Variants in IZUMO2 observed in about 807,000 individuals in gnomAD.
IZUMO2 encodes the protein izumo sperm-egg fusion protein 2.
In IZUMO2, 24 loss-of-function variants were observed where a neutral mutation model predicts 31.2. That is an observed-to-expected ratio of 0.77 (90% confidence interval 0.56 to 1.08). IZUMO2 has a LOEUF of 1.08. Among genes scored for constraint, IZUMO2 ranks in the 50% least tolerant of loss-of-function variants. The pLI is 0.00. For synonymous variants in IZUMO2, 144 were observed against 117.3 expected, an observed-to-expected ratio of 1.23 and a Z score of -1.47; for missense variants, 278 against 274.0, an observed-to-expected ratio of 1.01 and a Z score of -0.10.
chr19:50,162,113 T>C (rs1208924642), intron 2 of IZUMO2, among the ~76,000 whole-genome samples: 3 of 151,834 alleles, frequency 2.0e-5, no homozygotes, highest in Non-Finnish European at 4.4e-5. Context: ...TGAAACCTCG[T>C]CTCTACTAAA....
intron 6 of IZUMO2, among the ~76,000 whole-genome samples, chr19:50,153,191 G>T (rs2030085118): frequency 6.6e-6 from 1 of 152,152 alleles, no homozygotes; most frequent in African/African-American, 2.4e-5. Context: ...GAAGACAGAG[G>T]AAGGGATTAG....
In IZUMO2 at chr19:50,162,775, T is replaced by G; in HGVS notation, c.271A>C (p.Asn91His). 1 of 1,613,964 alleles carries G rather than the reference T, an allele frequency of 6.2e-7. No homozygotes were observed. Among genetic ancestry groups the G allele is most frequent in the Admixed American group, 1.7e-5 (1 of 60,000 alleles). ...QLDLVASFVK[N>H]QTQHLMGNSL... The stretch of plus-strand genomic sequence containing the variant: ...TTACCCATTAAGTGCTGCGTTTGGT[T>G]CTTGACAAAGGACGCCACAAGGTCC... The change falls in exon 2 of 7, where the codon AAC becomes CAC. Residue 91 changes from asparagine to histidine, a missense_variant. Coordinates refer to ENST00000293405, the MANE Select transcript of IZUMO2 (RefSeq NM_152358.3).
Position 50,162,824 on chromosome 19 carries a change from A to AAGGGAG in IZUMO2, c.233-17_233-12dup. ...CCAGTTGATTTGTCTCTGGGGGGAG[A>AAGGGAG]AGGGAGAGGACACTCCAGTGAGCCC... is the stretch of plus-strand genomic sequence containing the variant. On this transcript the variant is annotated splice_polypyrimidine_tract_variant and intron_variant, in intron 1 of 6. Transcript: ENST00000293405. 2 of 1,612,676 alleles carry AAGGGAG rather than the reference A, an allele frequency of 1.2e-6. No individual in the cohort carries two copies. Among genetic ancestry groups the AAGGGAG allele is most frequent in the Non-Finnish European group, 1.7e-6 (2 of 1,179,328 alleles).
intron 6 of IZUMO2, among the ~76,000 whole-genome samples, chr19:50,153,474 G>A (rs1160493051): frequency 6.6e-6 from 1 of 152,178 alleles, no homozygotes; most frequent in Non-Finnish European, 1.5e-5. Flanking sequence ...GAGGTAGCCT[G>A]CACGGAGCAC....
intron 5 of IZUMO2, among the ~76,000 whole-genome samples, chr19:50,156,822 C>G (rs1050743592): frequency 2.0e-5 from 3 of 152,036 alleles, no homozygotes; most frequent in Admixed American, 2.0e-4. Context: ...AGAGAAAAAC[C>G]TAACAATTGA....
In IZUMO2 at chr19:50,152,637, C is replaced by T; in HGVS notation, c.638G>A (p.Arg213Lys). 6.2e-7 allele frequency: 1 copy of T among 1,613,520 alleles called. No homozygotes were observed. Among genetic ancestry groups the T allele is most frequent in the Non-Finnish European group, 8.5e-7 (1 of 1,179,496 alleles). The change falls in exon 7 of 7, where the codon AGA (arginine) becomes AAA (lysine). Residue 213 changes from arginine to lysine, a missense_variant. Transcript: ENST00000293405. ...VVIVVSACTY[R>K]QNRKLLLQ ...CTGCAGCAGGAGTTTTCGGTTTTGTCTGTATGTACAAGCCCTGGTCAGAGA... is the reference window on the plus strand; with the variant it reads ...CTGCAGCAGGAGTTTTCGGTTTTGTTTGTATGTACAAGCCCTGGTCAGAGA...
At position 50,162,956 on chromosome 19, in the gene IZUMO2, C is replaced by T. The variant is rs1374998269; in HGVS notation, c.232+7G>A. On this transcript the variant is annotated splice_region_variant and intron_variant, in intron 1 of 6. Transcript: ENST00000293405. Reference sequence around the variant, plus strand: ...AGCCCCGCTGCCCAATTTCTCCCAACACGCACCCACTTTCCCCACAAACAC... The same window carrying T: ...AGCCCCGCTGCCCAATTTCTCCCAATACGCACCCACTTTCCCCACAAACAC... 1.2e-6 allele frequency: 2 copies of T among 1,613,476 alleles called. No homozygotes were observed. Among genetic ancestry groups the T allele is most frequent in the African/African-American group, 2.7e-5 (2 of 74,902 alleles).
chr19:50,154,706 C>A lies in IZUMO2; in HGVS notation c.517G>T (p.Ala173Ser), dbSNP rs780947157. The A allele has an allele frequency of 6.2e-7, 1 of 1,613,998 alleles. No individual in the cohort carries two copies. Among genetic ancestry groups the A allele is most frequent in the South Asian group, 1.1e-5 (1 of 91,082 alleles). ...YCFVDRQPRVALQYQMDSKYP... is the reference protein window; with the variant it reads ...YCFVDRQPRVSLQYQMDSKYP... ...TTGCTGTCCATCTGGTACTGCAGGG[C>A]CACGCGGGGTTGCCGGTCGACTGGG... The change falls in exon 6 of 7, where the codon GCC becomes TCC. Residue 173 changes from alanine (A) to serine (S), a missense_variant. Physicochemically the swap from Ala to Ser is moderately conservative, Grantham distance 99 (BLOSUM62 1). Transcript: ENST00000293405.
chr19:50,161,910 T>TC lies in IZUMO2; in HGVS notation c.307+828dup, dbSNP rs869167409. 9.2e-5 allele frequency among the ~76,000 whole-genome samples: 14 copies of TC among 152,020 alleles called. No individual in the cohort carries two copies. The East Asian group carries it at 1.2e-3, about 13-fold the overall frequency. On this transcript the variant is annotated intron_variant, in intron 2 of 6. Coordinates refer to ENST00000293405, the MANE Select transcript of IZUMO2 (RefSeq NM_152358.3). Reference sequence around the variant, plus strand: ...TGTCCCAATCCTGCACATCCCCCGCTCCCCCCCAAAAAAATTTGGCTCTTG... The same window carrying TC: ...TGTCCCAATCCTGCACATCCCCCGCTCCCCCCCCAAAAAAATTTGGCTCTTG...
At chr19:50,155,399 G>A (rs574902091) in intron 5 of IZUMO2, among the ~76,000 whole-genome samples, 16 of 152,282 alleles carry the variant, frequency 1.1e-4, no homozygotes, top group African/African-American at 3.4e-4. Flanking sequence ...CCCTGTCTCA[G>A]AAAACAAAAC....
intron 5 of IZUMO2, among the ~76,000 whole-genome samples, chr19:50,155,962 T>C (rs1233936310): frequency 6.6e-6 from 1 of 152,208 alleles, no homozygotes; most frequent in African/African-American, 2.4e-5. Context: ...GATCTTTGCA[T>C]GTGCTGTTCC....
In IZUMO2 at chr19:50,162,827, G is replaced by A; in HGVS notation, c.233-14C>T. On this transcript the variant is annotated splice_polypyrimidine_tract_variant and intron_variant, in intron 1 of 6. Transcript: ENST00000293405. The stretch of plus-strand genomic sequence containing the variant: ...GTTGATTTGTCTCTGGGGGGAGAAG[G>A]GAGAGGACACTCCAGTGAGCCCCCC... 6.2e-7 allele frequency: 1 copy of A among 1,612,648 alleles called. No individual in the cohort carries two copies. The highest frequency in any genetic ancestry group is 1.1e-5 in the South Asian group (1 of 91,026).
intron 5 of IZUMO2, among the ~76,000 whole-genome samples, chr19:50,155,882 C>T (rs2030198064): frequency 6.6e-6 from 1 of 152,212 alleles, no homozygotes; most frequent in Admixed American, 6.5e-5. Context: ...TCTAGCCACC[C>T]TACTATTCTC....
chr19:50,162,355 C>T (rs147402007), intron 2 of IZUMO2, among the ~76,000 whole-genome samples: 131 of 152,216 alleles, frequency 8.6e-4, no homozygotes, highest in Middle Eastern at 3.4e-3. Context: ...CACCTGTAAT[C>T]CCAGCACTTT....
chr19:50,152,578 T>C lies in IZUMO2; in HGVS notation c.*31A>G. On this transcript the variant is annotated 3_prime_UTR_variant, in exon 7 of 7. Transcript: ENST00000293405. ...TTGTCACCAATTTTATTAAATTTAT[T>C]TTCCTTTCTCCTTACCCCCAAACCA... 6.3e-7 allele frequency: 1 copy of C among 1,593,864 alleles called. No homozygotes were observed. Among genetic ancestry groups the C allele is most frequent in the Non-Finnish European group, 8.6e-7 (1 of 1,161,686 alleles).
rs1568438529 is a variant in IZUMO2 at position 50,159,211 on chromosome 19, T to TA, written c.415+18dup. On this transcript the variant is annotated intron_variant, in intron 4 of 6. Transcript: ENST00000293405. Reference sequence around the variant, plus strand: ...GTTAGGAGGGTAGAGAAGGGAGAGATAGACGATCCAGAACTCACGGCAAAG... The same window carrying TA: ...GTTAGGAGGGTAGAGAAGGGAGAGATAAGACGATCCAGAACTCACGGCAAAG... 1 of 1,608,788 alleles carries TA rather than the reference T, an allele frequency of 6.2e-7. No homozygotes were observed. The highest frequency in any genetic ancestry group is 8.5e-7 in the Non-Finnish European group (1 of 1,178,278).
chr19:50,162,607 T>C lies in IZUMO2; in HGVS notation c.307+132A>G, dbSNP rs560531520. 2,898 of 727,910 alleles carry C rather than the reference T, an allele frequency of 4.0e-3. 11 individuals carry two copies. Among genetic ancestry groups the C allele is most frequent in the Non-Finnish European group, 5.9e-3 (2,547 of 433,866 alleles). The allele number at this position is 727,910 out of a possible 1,614,324, so 45.1% of individuals were successfully genotyped here. ...TCCAGCCGGAGCGACAGTGAGGCTC[T>C]GTCTCTTAAAAAAGAAAAAAAAAAG... On this transcript the variant is annotated intron_variant, in intron 2 of 6. Transcript: ENST00000293405.
In IZUMO2 at chr19:50,158,352, G is replaced by A; in HGVS notation, c.416-4C>T. On this transcript the variant is annotated splice_polypyrimidine_tract_variant and splice_region_variant and intron_variant, in intron 4 of 6. Transcript: ENST00000293405. Reference sequence around the variant, plus strand: ...AACACCTCTTCTTTTAGCAAGCCTAGGCAAGGGGAAAGGGAGAAGTAAGAC... The same window carrying A: ...AACACCTCTTCTTTTAGCAAGCCTAAGCAAGGGGAAAGGGAGAAGTAAGAC... The A allele has an allele frequency of 6.2e-7, 1 of 1,600,828 alleles. No individual in the cohort carries two copies. Among genetic ancestry groups the A allele is most frequent in the Non-Finnish European group, 8.5e-7 (1 of 1,169,980 alleles).
At chr19:50,161,107 C>CCTTTTT (rs1342265900) in intron 2 of IZUMO2, among the ~76,000 whole-genome samples, 1 of 151,286 alleles carries the variant, frequency 6.6e-6, no homozygotes, top group East Asian at 1.9e-4. Flanking sequence ...TGCTTTGACG[C>CCTTTTT]CTTTTTCTTT....
Sources: allele counts gnomAD v4.1 joint callset (sites outside exome capture counted in the v4.1 genomes callset), GRCh38; gene constraint gnomAD v4.1.1; transcripts MANE v1.5; gene names NCBI Gene and HGNC (gene_info 2026-07-23, HGNC 2026-07-21).